Variants in CRTC1 observed in about 807,000 individuals in gnomAD.
CRTC1 encodes CREB-regulated transcription coactivator 1.
CRTC1 carries 18 observed loss-of-function variants against 66.1 expected under a neutral mutation model. The ratio of observed to expected loss-of-function variants is 0.27; its 90% CI spans 0.19 to 0.40. The LOEUF (loss-of-function observed/expected upper bound fraction) is 0.40. Ranked by LOEUF, CRTC1 falls within the 10% of genes least tolerant of loss-of-function variation. The pLI is 1.00. For missense variants in CRTC1, 669 were observed against 887.9 expected (o/e 0.75, Z 3.13); for synonymous variants, 416 against 398.8 (o/e 1.04, Z -0.51).
intron 1 of CRTC1, among the ~76,000 whole-genome samples, chr19:18,742,084 T>G (rs902048030): frequency 5.3e-5 from 8 of 152,180 alleles, no homozygotes; most frequent in African/African-American, 1.9e-4. Flanking sequence ...GCAGGCATCA[T>G]GGACCAGCAT....
intron 1 of CRTC1, among the ~76,000 whole-genome samples, chr19:18,713,198 G>T (rs907985492): frequency 1.4e-4 from 22 of 152,206 alleles, no homozygotes; most frequent in African/African-American, 5.3e-4. Context: ...CCTTTCCATG[G>T]CTGAATAGCA....
intron 1 of CRTC1, among the ~76,000 whole-genome samples, chr19:18,709,504 G>A (rs946791114): frequency 1.3e-5 from 2 of 152,172 alleles, no homozygotes; most frequent in Non-Finnish European, 2.9e-5. Context: ...GGAGCGGGCA[G>A]GTTAAGAAGG....
At chr19:18,693,074 C>CAAAA (rs71168762) in intron 1 of CRTC1, among the ~76,000 whole-genome samples, 11 of 69,316 alleles carry the variant, frequency 1.6e-4, no homozygotes, top group South Asian at 5.9e-4. Context: ...GACTCCGTCT[C>CAAAA]AAAAAAAAAA....
chr19:18,776,984 C>G (rs999405108), intron 13 of CRTC1, among the ~76,000 whole-genome samples, 187 bp from the exon 14 acceptor site: 2 of 152,206 alleles, frequency 1.3e-5, no homozygotes, highest in Admixed American at 6.5e-5. Flanking sequence ...GGTCCAGGCA[C>G]TGTAGGGTGC....
chr19:18,684,493 G>A (rs2052641068), intron 1 of CRTC1, among the ~76,000 whole-genome samples: 1 of 149,838 alleles, frequency 6.7e-6, no homozygotes, highest in African/African-American at 2.4e-5. Flanking sequence ...TCTCCCTCTT[G>A]GACAGCTGAG....
At chr19:18,721,791 G>T (rs2053635671) in intron 1 of CRTC1, among the ~76,000 whole-genome samples, 1 of 152,180 alleles carries the variant, frequency 6.6e-6, no homozygotes. Context: ...CATGCACCTG[G>T]CCTCGACCTG....
At position 18,737,625 on chromosome 19, in the gene CRTC1, C is replaced by A. The variant is rs151205752; in HGVS notation, c.127-5285C>A. 2.3e-4 allele frequency among the ~76,000 whole-genome samples: 35 copies of A among 152,202 alleles called. 1 individual carries two copies. The Middle Eastern group carries it at 0.01, about 44-fold the overall frequency. ...CCTGGAACCTGGGAAGGTGACCTTA[C>A]AGTTGACTCTTGAATCAATGGTTTT... On this transcript the variant is annotated intron_variant, in intron 1 of 13. Coordinates refer to ENST00000321949, the MANE Select transcript of CRTC1 (RefSeq NM_015321.3).
chr19:18,705,965 CTCTT>C (rs1354330087), intron 1 of CRTC1, among the ~76,000 whole-genome samples: 4 of 131,636 alleles, frequency 3.0e-5, no homozygotes, highest in Admixed American at 7.5e-5. Flanking sequence ...CTCTCTCTCT[CTCTT>C]TTTTTTTTTT....
chr19:18,691,932 C>T (rs1292755585), intron 1 of CRTC1, among the ~76,000 whole-genome samples: 2 of 152,036 alleles, frequency 1.3e-5, no homozygotes, highest in African/African-American at 2.4e-5. Context: ...AGGCCGATCT[C>T]GAACTCCTGG....
chr19:18,727,440 G>A (rs1417274563), intron 1 of CRTC1, among the ~76,000 whole-genome samples: 1 of 151,236 alleles, frequency 6.6e-6, no homozygotes, highest in East Asian at 2.0e-4. Flanking sequence ...AATTAGTTGG[G>A]TATGGTGGCA....
Position 18,779,393 on chromosome 19 carries a change from TG to T in CRTC1, c.*2013del, listed in dbSNP as rs1452713689. 2.7e-5 allele frequency: 6 copies of T among 225,932 alleles called. No individual in the cohort carries two copies. In the South Asian group the frequency reaches 9.1e-4, roughly 34 times the overall value. 14.0% of individuals were successfully genotyped at this position (225,932 alleles called of 1,614,324 possible). A position where few individuals can be genotyped will look rare whatever the true frequency, so the allele number is the denominator to read the frequency against. On this transcript the variant is annotated 3_prime_UTR_variant, in exon 14 of 14. Transcript: ENST00000321949. Reference sequence around the variant, plus strand: ...TTCCAAGGTGCGGGGGGGACACTGTTGGTCTGTCCAGGTCAAGGTCCCTTTC... The same window carrying T: ...TTCCAAGGTGCGGGGGGGACACTGTTGTCTGTCCAGGTCAAGGTCCCTTTC...
At chr19:18,718,402 T>C (rs986468944) in intron 1 of CRTC1, among the ~76,000 whole-genome samples, 2 of 152,102 alleles carry the variant, frequency 1.3e-5, no homozygotes, top group Non-Finnish European at 2.9e-5. Flanking sequence ...AGTGGTACGA[T>C]CACAGCTCAC....
At chr19:18,772,507 G>C (rs2054892238) in intron 11 of CRTC1, among the ~76,000 whole-genome samples, 1 of 152,166 alleles carries the variant, frequency 6.6e-6, no homozygotes, top group Non-Finnish European at 1.5e-5. Context: ...CCTGTCCCCT[G>C]TAGAGGGGAT....
chr19:18,693,768 C>T (rs1485550081), intron 1 of CRTC1, among the ~76,000 whole-genome samples: 1 of 151,876 alleles, frequency 6.6e-6, no homozygotes, highest in Admixed American at 6.6e-5. Context: ...GCGTGAGCCA[C>T]CATTCCCGGC....
intron 1 of CRTC1, among the ~76,000 whole-genome samples, chr19:18,695,298 C>T (rs1397957071): frequency 6.6e-6 from 1 of 152,156 alleles, no homozygotes; most frequent in Non-Finnish European, 1.5e-5. Flanking sequence ...AGCCACTGCG[C>T]CCGGCCTGGG....
At chr19:18,756,232 T>C (rs1396774236) in intron 6 of CRTC1, among the ~76,000 whole-genome samples, 1 of 145,442 alleles carries the variant, frequency 6.9e-6, no homozygotes, top group Non-Finnish European at 1.5e-5. Flanking sequence ...ACTTGGGAGG[T>C]TGGGACAGGA....
intron 1 of CRTC1, among the ~76,000 whole-genome samples, chr19:18,685,086 C>T (rs918548605): frequency 2.6e-5 from 4 of 152,180 alleles, no homozygotes; most frequent in African/African-American, 9.7e-5. Context: ...GTGACTGGCT[C>T]AGGTAGACTT....
At chr19:18,763,787 G>GT (rs2054667295) in intron 8 of CRTC1, among the ~76,000 whole-genome samples, 2 of 152,234 alleles carry the variant, frequency 1.3e-5, no homozygotes, top group African/African-American at 4.8e-5. Flanking sequence ...CGCTCCTGAC[G>GT]TTTGCCCCTA....
chr19:18,712,713 G>A (rs576659423), intron 1 of CRTC1, among the ~76,000 whole-genome samples: 4 of 151,944 alleles, frequency 2.6e-5, no homozygotes, highest in South Asian at 2.1e-4. Flanking sequence ...TAATCCCAAC[G>A]CTTTGGGAGG....
Sources: allele counts gnomAD v4.1 joint callset (sites outside exome capture counted in the v4.1 genomes callset), GRCh38; gene constraint gnomAD v4.1.1; transcripts MANE v1.5; gene names NCBI Gene and HGNC (gene_info 2026-07-23, HGNC 2026-07-21).